ACSS3: variants seen among roughly 807,000 people sequenced by gnomAD.
The protein encoded by ACSS3 is acyl-CoA synthetase short chain family member 3.
ACSS3 carries 64 observed loss-of-function variants against 84.2 expected under a neutral mutation model. The observed-to-expected ratio is 0.76, with a 90% confidence interval of 0.62 to 0.94. ACSS3 has a LOEUF of 0.94. Ranked by LOEUF, ACSS3 falls within the 40% of genes least tolerant of loss-of-function variation. The probability of loss-of-function intolerance (pLI) is 0.00; values close to 1 mark genes in which losing one functional copy is unlikely to be tolerated. For missense variants in ACSS3, 815 were observed against 867.6 expected (o/e 0.94, Z 0.76); for synonymous variants, 317 against 310.1 (o/e 1.02, Z -0.23).
intron 8 of ACSS3, among the ~76,000 whole-genome samples, chr12:81,179,334 T>C (rs1386043128): frequency 7.5e-5 from 8 of 106,292 alleles, no homozygotes; most frequent in African/African-American, 2.9e-4. Flanking sequence ...AACTGACAAG[T>C]GCAATTAAAC....
chr12:81,147,490 T>C (rs1886397635), intron 5 of ACSS3, among the ~76,000 whole-genome samples: 1 of 152,164 alleles, frequency 6.6e-6, no homozygotes, highest in African/African-American at 2.4e-5. Flanking sequence ...GGTGGGGATA[T>C]CAGTCCTCTG....
intron 2 of ACSS3, among the ~76,000 whole-genome samples, chr12:81,128,744 T>C (rs1885283544): frequency 6.6e-6 from 1 of 152,224 alleles, no homozygotes. Context: ...ACATTTATGG[T>C]AGGATAAGAA....
At chr12:81,138,864 ATT>A (rs1259495402) in intron 3 of ACSS3, among the ~76,000 whole-genome samples, 12 of 152,302 alleles carry the variant, frequency 7.9e-5, no homozygotes, top group Admixed American at 5.2e-4. Flanking sequence ...TTAATGGATT[ATT>A]TGAAAGGGAT....
intron 8 of ACSS3, among the ~76,000 whole-genome samples, chr12:81,182,441 C>T (rs1447476026): frequency 6.6e-6 from 1 of 152,114 alleles, no homozygotes; most frequent in Non-Finnish European, 1.5e-5. Context: ...AACATGAATA[C>T]ATACAAAAGT....
chr12:81,200,073 T>C (rs2032032373), intron 9 of ACSS3, among the ~76,000 whole-genome samples: 1 of 152,180 alleles, frequency 6.6e-6, no homozygotes, highest in African/African-American at 2.4e-5. Flanking sequence ...GTCCTCCCTC[T>C]AAGTGTTCCC....
chr12:81,082,461 G>T (rs188425553), intron 1 of ACSS3, among the ~76,000 whole-genome samples: 1 of 152,170 alleles, frequency 6.6e-6, no homozygotes, highest in African/African-American at 2.4e-5. Context: ...AGATCAAAAT[G>T]AGTAGGAGTT....
chr12:81,079,899 C>T (rs1212595258), intron 1 of ACSS3, among the ~76,000 whole-genome samples: 1 of 152,170 alleles, frequency 6.6e-6, no homozygotes, highest in Non-Finnish European at 1.5e-5. Context: ...ATACACTAGA[C>T]CCTATACATG....
intron 8 of ACSS3, among the ~76,000 whole-genome samples, chr12:81,187,839 A>C (rs1026342869): frequency 6.6e-6 from 1 of 151,910 alleles, no homozygotes; most frequent in Non-Finnish European, 1.5e-5. Context: ...GGCTGATAGC[A>C]GAGAAATGGT....
chr12:81,106,975 T>A (rs1883058704), intron 1 of ACSS3, among the ~76,000 whole-genome samples: 1 of 151,738 alleles, frequency 6.6e-6, no homozygotes, highest in Non-Finnish European at 1.5e-5. Flanking sequence ...AGGAGCAAGT[T>A]TGCAGTTGTG....
rs971510174 is a variant in ACSS3, at chr12:81,189,948, C to T, written c.1251-9393C>T. ...TTAAATGGCCGTCCTTTTCTCACTGCTGTGCAGCAACACTTTTGTCATGAC... is the reference window on the plus strand; with the variant it reads ...TTAAATGGCCGTCCTTTTCTCACTGTTGTGCAGCAACACTTTTGTCATGAC... On this transcript the variant is annotated intron_variant, in intron 8 of 15. Transcript: ENST00000548058. Among the ~76,000 whole-genome samples the T allele has an allele frequency of 1.2e-4, 18 of 152,254 alleles. No homozygotes were observed. The East Asian group carries it at 3.5e-3, about 29-fold the overall frequency.
chr12:81,137,147 T>C (rs370395301), intron 3 of ACSS3, among the ~76,000 whole-genome samples: 1 of 148,056 alleles, frequency 6.8e-6, no homozygotes, highest in Admixed American at 6.8e-5. Context: ...TTTTTTTTTT[T>C]CTTTTTAAAC....
At chr12:81,188,019 A>G (rs562252753) in intron 8 of ACSS3, among the ~76,000 whole-genome samples, 1 of 152,064 alleles carries the variant, frequency 6.6e-6, no homozygotes, top group South Asian at 2.1e-4. Context: ...AGAATAGGAT[A>G]CCTCTAAAGG....
intron 13 of ACSS3, among the ~76,000 whole-genome samples, chr12:81,246,139 C>A (rs372091579): frequency 1.3e-4 from 20 of 152,234 alleles, no homozygotes; most frequent in East Asian, 7.8e-4. Context: ...TTTCTGGGTT[C>A]TCTTGGTTTA....
intron 1 of ACSS3, among the ~76,000 whole-genome samples, chr12:81,087,882 C>A (rs1565968453): frequency 6.6e-6 from 1 of 152,070 alleles, no homozygotes; most frequent in African/African-American, 2.4e-5. Context: ...GTGGAGAAAA[C>A]AAACTGATTT....
chr12:81,107,199 T>C (rs1407969835), intron 1 of ACSS3, among the ~76,000 whole-genome samples: 1 of 151,580 alleles, frequency 6.6e-6, no homozygotes, highest in Non-Finnish European at 1.5e-5. Flanking sequence ...GGGATGCATA[T>C]GGAACATGAG....
chr12:81,133,247 A>G lies in ACSS3; in HGVS notation c.457-1569A>G, dbSNP rs182929922. On this transcript the variant is annotated intron_variant, in intron 2 of 15. Coordinates refer to ENST00000548058, the MANE Select transcript of ACSS3 (RefSeq NM_024560.4). ...GATTCAGAATTCTTTAAACTTGTCCAGAAAGTAGGAGAGACAAAAATGAAA... is the reference window on the plus strand; with the variant it reads ...GATTCAGAATTCTTTAAACTTGTCCGGAAAGTAGGAGAGACAAAAATGAAA... Among the ~76,000 whole-genome samples, 76 of 152,264 alleles carry G rather than the reference A, an allele frequency of 5.0e-4. No individual in the cohort carries two copies. The East Asian group carries it at 7.7e-3, about 15-fold the overall frequency.
intron 8 of ACSS3, among the ~76,000 whole-genome samples, chr12:81,175,527 A>C (rs1206510644): frequency 6.6e-6 from 1 of 152,212 alleles, no homozygotes; most frequent in Non-Finnish European, 1.5e-5. Context: ...AGACATCCAC[A>C]GAACACTCCA....
At chr12:81,189,905 T>G (rs2031478669) in intron 8 of ACSS3, among the ~76,000 whole-genome samples, 1 of 152,152 alleles carries the variant, frequency 6.6e-6, no homozygotes, top group Admixed American at 6.5e-5. Context: ...TATATCCATT[T>G]GATCAATTTC....
intron 1 of ACSS3, among the ~76,000 whole-genome samples, chr12:81,090,511 A>G (rs1881603673): frequency 6.6e-6 from 1 of 151,972 alleles, no homozygotes. Flanking sequence ...TTCACCATAT[A>G]CAGATTTACC....
Sources: gnomAD v4.1 joint callset for allele counts (sites outside exome capture counted in the v4.1 genomes callset) on GRCh38, gnomAD v4.1.1 for gene constraint, MANE v1.5 for transcripts, NCBI Gene and HGNC (gene_info 2026-07-23, HGNC 2026-07-21) for gene names.